The following GRK5 variants were observed in gnomAD, a reference collection of about 807,000 sequenced individuals.
The protein encoded by GRK5 is g protein-coupled receptor kinase GRK5.
In GRK5, 40 loss-of-function variants were observed where a neutral mutation model predicts 78.4. The ratio of observed to expected loss-of-function variants is 0.51; its 90% confidence interval spans 0.40 to 0.66. The LOEUF (loss-of-function observed/expected upper bound fraction) is 0.66. GRK5 is among the 30% of genes least tolerant of loss of function. The pLI, the probability that GRK5 is intolerant of heterozygous loss-of-function variation, is 0.00. For missense variants in GRK5, 598 were observed against 759.9 expected (o/e 0.79, Z 2.50); for synonymous variants, 289 against 296.8 (o/e 0.97, Z 0.27).
Position 119,452,928 on chromosome 10 carries a change from C to A in GRK5, c.1542+120C>A. On this transcript the variant is annotated intron_variant, in intron 14 of 15. Transcript: ENST00000392870. This position sits in a 1 kb window ranked among gnomAD's most constrained non-coding sequence, Gnocchi z 4.4. ...CTGAGCGCATGGTTTCTGTTTTCTC[C>A]ATGAAGGCAGCACACAAAAGCTGTC... is the stretch of plus-strand genomic sequence containing the variant. 8.0e-7 allele frequency: 1 copy of A among 1,242,870 alleles called. No homozygotes were observed. The allele number at this position is 1,242,870 out of a possible 1,614,324, so 77.0% of individuals were successfully genotyped here.
chr10:119,398,990 G>A (rs868254289), intron 4 of GRK5, among the ~76,000 whole-genome samples: 3 of 128,976 alleles, frequency 2.3e-5, no homozygotes, highest in Admixed American at 1.5e-4. Context: ...GGCTGCCACC[G>A]GGTTGCCCCG....
intron 1 of GRK5, among the ~76,000 whole-genome samples, chr10:119,321,689 C>A (rs905196224): frequency 6.6e-6 from 1 of 152,214 alleles, no homozygotes; most frequent in African/African-American, 2.4e-5. Context: ...AACGTATTCA[C>A]AGGTTCTAGG....
chr10:119,239,801 G>C (rs965090770), intron 1 of GRK5, among the ~76,000 whole-genome samples: 9 of 151,962 alleles, frequency 5.9e-5, no homozygotes, highest in Admixed American at 4.6e-4. Flanking sequence ...AGTTTGCTGA[G>C]AATGATGGTT....
At chr10:119,323,362 G>T (rs1850618477) in intron 1 of GRK5, among the ~76,000 whole-genome samples, 1 of 152,368 alleles carries the variant, frequency 6.6e-6, no homozygotes, top group Non-Finnish European at 1.5e-5. Flanking sequence ...CCAGGTCTGA[G>T]AATCAGTAGT....
chr10:119,390,482 G>A (rs1851872231), intron 3 of GRK5, among the ~76,000 whole-genome samples: 2 of 152,278 alleles, frequency 1.3e-5, no homozygotes, highest in East Asian at 3.9e-4. Context: ...ATCATTTGAG[G>A]TTAGGAGTTC....
intron 1 of GRK5, among the ~76,000 whole-genome samples, chr10:119,222,690 G>A (rs1848674155): frequency 6.6e-6 from 1 of 152,030 alleles, no homozygotes. Context: ...ACAATTGGAG[G>A]AGAATGGCAT....
intron 1 of GRK5, among the ~76,000 whole-genome samples, chr10:119,322,784 C>T (rs1850608144): frequency 6.6e-6 from 1 of 152,166 alleles, no homozygotes. Context: ...ACCATATAAT[C>T]CAGCAATTTC....
chr10:119,412,353 G>A lies in GRK5; in HGVS notation c.340-10813G>A, dbSNP rs1376465552. Among the ~76,000 whole-genome samples, 1 of 152,196 alleles carries A rather than the reference G, an allele frequency of 6.6e-6. No individual in the cohort carries two copies. The highest frequency in any genetic ancestry group is 1.9e-4 in the East Asian group (1 of 5,190). ...CCCGGGCCGTGCAGTCCATCGCCTGGGCTGACCACGAGGACACCCCGGTGA... is the reference window on the plus strand; with the variant it reads ...CCCGGGCCGTGCAGTCCATCGCCTGAGCTGACCACGAGGACACCCCGGTGA... On this transcript the variant is annotated intron_variant, in intron 4 of 15. Coordinates refer to ENST00000392870, the MANE Select transcript of GRK5 (RefSeq NM_005308.3). The surrounding 1 kb of genome is among the most constrained non-coding windows in gnomAD (Gnocchi z 4.3).
At chr10:119,234,155 T>C (rs557076341) in intron 1 of GRK5, among the ~76,000 whole-genome samples, 20 of 152,344 alleles carry the variant, frequency 1.3e-4, no homozygotes, top group Admixed American at 1.2e-3. Flanking sequence ...CAGAACCTCC[T>C]TACAGCCTCC....
intron 4 of GRK5, among the ~76,000 whole-genome samples, chr10:119,399,175 TCTC>T (rs1852106298): frequency 6.6e-6 from 1 of 152,142 alleles, no homozygotes; most frequent in African/African-American, 2.4e-5. Flanking sequence ...TCCCTTAAGT[TCTC>T]CTCAATTTAA....
intron 6 of GRK5, 43 bp downstream of exon 6, chr10:119,425,128 A>G (rs1852648941): frequency 2.9e-6 from 4 of 1,374,430 alleles, no homozygotes; most frequent in African/African-American, 2.8e-5. Flanking sequence ...GGCAGAGGGT[A>G]CACATTTTTC....
chr10:119,294,880 A>G (rs1850051552), intron 1 of GRK5, among the ~76,000 whole-genome samples: 1 of 152,176 alleles, frequency 6.6e-6, no homozygotes, highest in Non-Finnish European at 1.5e-5. Flanking sequence ...GCCTCTTTAT[A>G]GAAAAAGTCT....
rs900965297 is a variant in GRK5 at position 119,431,744 on chromosome 10, G to C, written c.738+217G>C. Among the ~76,000 whole-genome samples, 1 of 152,176 alleles carries C rather than the reference G, an allele frequency of 6.6e-6. No individual in the cohort carries two copies. Among genetic ancestry groups the C allele is most frequent in the Non-Finnish European group, 1.5e-5 (1 of 68,040 alleles). ...CTGGCTTTGTCCCATCCCCAGAGCCGGCCAGTGCCTGGCTCCCTGCTGTGC... is the reference window on the plus strand; with the variant it reads ...CTGGCTTTGTCCCATCCCCAGAGCCCGCCAGTGCCTGGCTCCCTGCTGTGC... On this transcript the variant is annotated intron_variant, in intron 8 of 15. Coordinates refer to ENST00000392870, the MANE Select transcript of GRK5 (RefSeq NM_005308.3). This position sits in a 1 kb window ranked among gnomAD's most constrained non-coding sequence, Gnocchi z 4.8.
chr10:119,357,437 G>C (rs954941615), intron 2 of GRK5, among the ~76,000 whole-genome samples: 164 of 152,306 alleles, frequency 1.1e-3, no homozygotes, highest in African/African-American at 3.9e-3. Flanking sequence ...GTTTGGAAAG[G>C]CTGTGGCTGA....
chr10:119,452,893 C>T lies in GRK5; in HGVS notation c.1542+85C>T, dbSNP rs2297641. ...GGAGGCGTCGGGAATATGAGTTTGG[C>T]GGCAGGAGGCTGAGCGCATGGTTTC... On this transcript the variant is annotated intron_variant, in intron 14 of 15. Transcript: ENST00000392870. The surrounding 1 kb of genome is among the most constrained non-coding windows in gnomAD (Gnocchi z 4.4). The T allele has an allele frequency of 0.11, 161,354 of 1,440,312 alleles. 11,091 individuals carry two copies. Among genetic ancestry groups the T allele is most frequent in the East Asian group, 0.3 (12,738 of 42,676 alleles). The allele number at this position is 1,440,312 out of a possible 1,614,324, so 89.2% of individuals were successfully genotyped here. A position where few individuals can be genotyped will look rare whatever the true frequency, so the allele number is the denominator to read the frequency against.
At chr10:119,361,655 C>T (rs1020067446) in intron 2 of GRK5, among the ~76,000 whole-genome samples, 8 of 152,026 alleles carry the variant, frequency 5.3e-5, no homozygotes, top group African/African-American at 1.9e-4. Flanking sequence ...GTGGGGGAGG[C>T]GCAGAGGGGG....
At chr10:119,348,423 CG>C (rs1204874116) in intron 2 of GRK5, among the ~76,000 whole-genome samples, 2 of 152,156 alleles carry the variant, frequency 1.3e-5, no homozygotes, top group Admixed American at 6.5e-5. Context: ...GCGTTAGAAA[CG>C]AAGGGGAGAA....
chr10:119,439,631 G>T, intron 9 of GRK5, 100 bp from the exon 10 acceptor site: 1 of 1,043,830 alleles, frequency 9.6e-7, no homozygotes. Context: ...ACACACTGTG[G>T]CCACTCAGGC....
At chr10:119,315,542 C>T (rs148304963) in intron 1 of GRK5, among the ~76,000 whole-genome samples, 15 of 152,196 alleles carry the variant, frequency 9.9e-5, no homozygotes, top group Admixed American at 3.9e-4. Flanking sequence ...AGCTGGCCGC[C>T]TCCACTTTGC....
Sources: allele counts gnomAD v4.1 joint callset (sites outside exome capture counted in the v4.1 genomes callset), GRCh38; gene constraint gnomAD v4.1.1; non-coding constraint Gnocchi (gnomAD v3.1); transcripts MANE v1.5; gene names NCBI Gene and HGNC (gene_info 2026-07-23, HGNC 2026-07-21).